Variants in DGKB observed in about 807,000 individuals in gnomAD.
The protein encoded by DGKB is 90 kDa diacylglycerol kinase.
Under a neutral mutation model 114.3 loss-of-function variants are expected in DGKB, and 67 were observed. The ratio of observed to expected loss-of-function variants is 0.59; its 90% CI spans 0.48 to 0.72. The LOEUF (loss-of-function observed/expected upper bound fraction) is 0.72. Ranked by LOEUF, DGKB falls within the 30% of genes least tolerant of loss-of-function variation. The pLI, the probability that DGKB is intolerant of heterozygous loss-of-function variation, is 0.00. For missense variants in DGKB, 907 were observed against 975.2 expected (o/e 0.93, Z 0.93); for synonymous variants, 398 against 323.1 (o/e 1.23, Z -2.49).
chr7:14,193,362 A>G (rs2128277488), intron 23 of DGKB, among the ~76,000 whole-genome samples: 1 of 152,270 alleles, frequency 6.6e-6, no homozygotes, highest in South Asian at 2.1e-4. Flanking sequence ...ATAGACTAAT[A>G]GAATAGAATG....
intron 14 of DGKB, among the ~76,000 whole-genome samples, chr7:14,627,757 C>T (rs533405180): frequency 1.1e-4 from 16 of 152,038 alleles, no homozygotes; most frequent in East Asian, 3.9e-4. Flanking sequence ...GCCTGGCCAA[C>T]ATGGTGAAAC....
intron 7 of DGKB, among the ~76,000 whole-genome samples, chr7:14,698,610 G>C (rs529809091): frequency 6.6e-6 from 1 of 152,194 alleles, no homozygotes; most frequent in African/African-American, 2.4e-5. Flanking sequence ...TACATTGACT[G>C]TTTTAGTCAT....
At chr7:14,323,053 A>G (rs1477058357) in intron 23 of DGKB, among the ~76,000 whole-genome samples, 1 of 152,172 alleles carries the variant, frequency 6.6e-6, no homozygotes, top group East Asian at 1.9e-4. Flanking sequence ...TACTCAATTT[A>G]TACCCAGAAA....
intron 23 of DGKB, among the ~76,000 whole-genome samples, chr7:14,241,462 TA>T (rs34679631): frequency 0.23 from 35,144 of 151,880 alleles, 4,924 homozygotes; most frequent in East Asian, 0.39. Context: ...CAGCTTAATA[TA>T]AAAAACGACA....
intron 1 of DGKB, among the ~76,000 whole-genome samples, chr7:14,853,863 G>A (rs1221865872): frequency 4.7e-5 from 3 of 63,982 alleles, no homozygotes; most frequent in African/African-American, 6.7e-5. Context: ...CCGAGACTCC[G>A]TCTCAAAAAA....
intron 23 of DGKB, among the ~76,000 whole-genome samples, chr7:14,233,804 G>C (rs1792298533): frequency 6.6e-6 from 1 of 152,006 alleles, no homozygotes; most frequent in South Asian, 2.1e-4. Context: ...TCGAAGAAGA[G>C]AAGAGCCACA....
upstream of DGKB, among the ~76,000 whole-genome samples, chr7:14,905,897 T>C (rs1189437376): frequency 6.6e-6 from 1 of 152,170 alleles, no homozygotes; most frequent in Non-Finnish European, 1.5e-5. Context: ...ATAAGGGTGT[T>C]TGAATTCTTT....
intron 4 of DGKB, among the ~76,000 whole-genome samples, chr7:14,746,922 A>G (rs879301604): frequency 4.0e-5 from 6 of 151,072 alleles, no homozygotes; most frequent in African/African-American, 1.2e-4. Flanking sequence ...ACAGAGACAA[A>G]TAACAACTTT....
chr7:14,307,070 C>A (rs1460972554), intron 23 of DGKB, among the ~76,000 whole-genome samples: 2 of 152,060 alleles, frequency 1.3e-5, no homozygotes, highest in African/African-American at 2.4e-5. Context: ...ATTATAATTA[C>A]CAACTTAATT....
chr7:14,490,139 G>C (rs1266803146), intron 20 of DGKB, among the ~76,000 whole-genome samples: 1 of 151,976 alleles, frequency 6.6e-6, no homozygotes, highest in Non-Finnish European at 1.5e-5. Context: ...TATTGTTCTA[G>C]AGAAAAAGCT....
intron 2 of DGKB, among the ~76,000 whole-genome samples, chr7:14,773,656 T>G (rs1212428949): frequency 6.6e-6 from 1 of 152,092 alleles, no homozygotes; most frequent in Non-Finnish European, 1.5e-5. Context: ...AGTAATATAA[T>G]CAACAATGAG....
intron 23 of DGKB, among the ~76,000 whole-genome samples, chr7:14,192,875 T>C (rs967777902): frequency 4.1e-4 from 62 of 150,658 alleles, no homozygotes; most frequent in African/African-American, 1.5e-3. Flanking sequence ...CTAGGGGTGA[T>C]GGGAAACACT....
At chr7:14,462,817 C>A (rs1178935141) in intron 21 of DGKB, among the ~76,000 whole-genome samples, 1 of 152,158 alleles carries the variant, frequency 6.6e-6, no homozygotes, top group Non-Finnish European at 1.5e-5. Context: ...AAGCTGGAGG[C>A]ATCATGCTAC....
At chr7:14,453,534 C>T (rs1831835298) in intron 21 of DGKB, among the ~76,000 whole-genome samples, 1 of 152,080 alleles carries the variant, frequency 6.6e-6, no homozygotes, top group Non-Finnish European at 1.5e-5. Flanking sequence ...CTTAAGTTCC[C>T]CATTCACTGC....
intron 21 of DGKB, among the ~76,000 whole-genome samples, chr7:14,471,465 CAT>C (rs1781380284): frequency 6.9e-6 from 1 of 145,416 alleles, no homozygotes; most frequent in Non-Finnish European, 1.5e-5. Flanking sequence ...ACCATCAACA[CAT>C]AAAGAATAAT....
chr7:14,633,391 G>C (rs922650137), intron 13 of DGKB, among the ~76,000 whole-genome samples: 5 of 151,818 alleles, frequency 3.3e-5, no homozygotes, highest in African/African-American at 9.7e-5. Context: ...AGCAACACTA[G>C]AAATTTACTC....
intron 4 of DGKB, among the ~76,000 whole-genome samples, chr7:14,750,788 TA>T (rs1833986167): frequency 1.4e-5 from 2 of 140,948 alleles, no homozygotes; most frequent in South Asian, 4.4e-4. Flanking sequence ...AAGCTATTTC[TA>T]TTTCTTTTTT....
At chr7:14,607,640 T>G in intron 16 of DGKB, 132 bp from the exon 17 acceptor site, 1 of 335,446 alleles carries the variant, frequency 3.0e-6, no homozygotes, top group Non-Finnish European at 5.4e-6. Flanking sequence ...TTCTATCAAT[T>G]TAATAAATTT....
intron 23 of DGKB, among the ~76,000 whole-genome samples, chr7:14,201,553 A>T (rs539700371): frequency 1.3e-5 from 2 of 152,068 alleles, no homozygotes; most frequent in Admixed American, 1.3e-4. Flanking sequence ...GTCGGAAGGC[A>T]TTGCAGTGGC....
Sources: allele counts gnomAD v4.1 joint callset (sites outside exome capture counted in the v4.1 genomes callset), GRCh38; gene constraint gnomAD v4.1.1; transcripts MANE v1.5; gene names NCBI Gene and HGNC (gene_info 2026-07-23, HGNC 2026-07-21).